The following ZBTB40 variants were observed in gnomAD, a reference collection of about 807,000 sequenced individuals.
ZBTB40 encodes the protein zinc finger and BTB domain-containing protein 40.
A neutral mutation model predicts 117.5 loss-of-function variants in ZBTB40; 60 were observed. The observed-to-expected ratio is 0.51, with a 90% CI of 0.41 to 0.63. The LOEUF is 0.63. ZBTB40 is among the 30% of genes least tolerant of loss of function. The probability of loss-of-function intolerance (pLI) is 0.00; values close to 1 mark genes in which losing one functional copy is unlikely to be tolerated. For synonymous variants in ZBTB40, 525 were observed against 577.1 expected, an observed-to-expected ratio of 0.91 and a Z score of 1.29; for missense variants, 1,287 against 1,498.5, an observed-to-expected ratio of 0.86 and a Z score of 2.33.
chr1:22,500,342 G>A (rs1212619116), intron 3 of ZBTB40, among the ~76,000 whole-genome samples: 1 of 152,210 alleles, frequency 6.6e-6, no homozygotes, highest in Non-Finnish European at 1.5e-5. Context: ...GGTGTGTCCA[G>A]CAGAATCTGT....
At chr1:22,445,956 G>A (rs573438481) in intron 1 of ZBTB40, among the ~76,000 whole-genome samples, 2 of 152,174 alleles carry the variant, frequency 1.3e-5, no homozygotes, top group South Asian at 2.1e-4. Context: ...GGGTAGGGAT[G>A]TTGGAATTAT....
At chr1:22,518,693 A>G (rs1245660519) in intron 13 of ZBTB40, among the ~76,000 whole-genome samples, 1 of 152,198 alleles carries the variant, frequency 6.6e-6, no homozygotes, top group Non-Finnish European at 1.5e-5. Context: ...GTGGCTAGAC[A>G]TTGGGTGATG....
chr1:22,506,309 T>G, intron 6 of ZBTB40, 68 bp downstream of exon 6: 1 of 1,494,936 alleles, frequency 6.7e-7, no homozygotes, highest in Non-Finnish European at 9.3e-7. Context: ...TGAAACACCC[T>G]TTTGGCTCCA....
chr1:22,530,176 T>C lies in ZBTB40; in HGVS notation c.*3780T>C, dbSNP rs1452043441. ...AAATTGGGCCTAGGCAGTTGGACGA[T>C]AATGGAGAAAAAGCAGGGATGCTAT... On this transcript the variant is annotated 3_prime_UTR_variant, in exon 18 of 18. Transcript: ENST00000375647. The C allele has an allele frequency of 3.3e-5, 5 of 152,174 alleles. No homozygotes were observed. Among genetic ancestry groups the C allele is most frequent in the Admixed American group, 3.3e-4 (5 of 15,260 alleles). 9.4% of individuals were successfully genotyped at this position (152,174 alleles called of 1,614,324 possible). A position where few individuals can be genotyped will look rare whatever the true frequency, so the allele number is the denominator to read the frequency against.
At chr1:22,458,293 C>T (rs1641048917) in intron 1 of ZBTB40, among the ~76,000 whole-genome samples, 1 of 152,194 alleles carries the variant, frequency 6.6e-6, no homozygotes, top group Non-Finnish European at 1.5e-5. Flanking sequence ...GGCTTGCCTG[C>T]CCTTAGGATG....
intron 1 of ZBTB40, among the ~76,000 whole-genome samples, chr1:22,431,384 G>GTGTGTATATA (rs1222294324): frequency 1.1e-4 from 13 of 119,688 alleles, no homozygotes; most frequent in African/African-American, 2.2e-4. Context: ...GTGTGTGTGT[G>GTGTGTATATA]TATATATATA....
At chr1:22,509,740 C>T (rs1639181208) in intron 9 of ZBTB40, among the ~76,000 whole-genome samples, 2 of 152,186 alleles carry the variant, frequency 1.3e-5, no homozygotes, top group South Asian at 4.1e-4. Context: ...GTGATGTTAT[C>T]ACATTTTATA....
In ZBTB40 at chr1:22,462,996, C is replaced by T. The variant is rs117718537; in HGVS notation, c.-70+10992C>T. Reference sequence around the variant, plus strand: ...CTTTTCCAAAGGTAGTAACACCTAACATTTAGTGACTGTTAACAGTGTTAC... The same window carrying T: ...CTTTTCCAAAGGTAGTAACACCTAATATTTAGTGACTGTTAACAGTGTTAC... On this transcript the variant is annotated intron_variant, in intron 1 of 17. Coordinates refer to ENST00000375647, the MANE Select transcript of ZBTB40 (RefSeq NM_014870.4). 1.0e-3 allele frequency among the ~76,000 whole-genome samples: 140 copies of T among 136,430 alleles called. 3 individuals carry two copies. The East Asian group carries it at 0.031, about 30-fold the overall frequency. 89.5% of individuals were successfully genotyped at this position (136,430 alleles called of 152,430 possible).
chr1:22,430,256 T>C lies in ZBTB40; in HGVS notation c.-70+1242T>C, dbSNP rs182021460. ...TCTGTAGTTATAAGTAAAACTGGCC[T>C]ATAATAATCTTGTCTCATACTGTCC... On this transcript the variant is annotated intron_variant, in intron 1 of 8. Coordinates refer to the ZBTB40 transcript ENST00000650433. Among the ~76,000 whole-genome samples, 460 of 152,320 alleles carry C rather than the reference T, an allele frequency of 3.0e-3. 1 individual carries two copies. Among genetic ancestry groups the C allele is most frequent in the Non-Finnish European group, 4.6e-3 (314 of 68,030 alleles).
chr1:22,512,555 G>A (rs1347234599), intron 11 of ZBTB40, among the ~76,000 whole-genome samples: 1 of 152,200 alleles, frequency 6.6e-6, no homozygotes, highest in Admixed American at 6.5e-5. Context: ...GGGATGTACA[G>A]TCAGAATGGT....
At chr1:22,450,186 C>A (rs1640842303), upstream of ZBTB40, among the ~76,000 whole-genome samples, 1 of 152,188 alleles carries the variant, frequency 6.6e-6, no homozygotes. Flanking sequence ...CTCAGGTGAT[C>A]CGCCTGCCTC....
intron 6 of ZBTB40, among the ~76,000 whole-genome samples, chr1:22,506,547 A>G (rs1639080763): frequency 6.6e-6 from 1 of 152,194 alleles, no homozygotes; most frequent in Non-Finnish European, 1.5e-5. Context: ...TGTGCTCATA[A>G]GGCTTAGCAC....
In ZBTB40 at chr1:22,513,823, T is replaced by C. The variant is rs1201107420; in HGVS notation, c.2668+693T>C. ...TACTGGGAGAGCTTCTGAAAGAGAC[T>C]GGCTAACCTCCTATGACTTTATATT... On this transcript the variant is annotated intron_variant, in intron 12 of 17. Coordinates refer to ENST00000375647, the MANE Select transcript of ZBTB40 (RefSeq NM_014870.4). The surrounding 1 kb of genome is among the most constrained non-coding windows in gnomAD (Gnocchi z 4.9). 6.6e-6 allele frequency among the ~76,000 whole-genome samples: 1 copy of C among 152,246 alleles called. No individual in the cohort carries two copies. The highest frequency in any genetic ancestry group is 1.9e-4 in the East Asian group (1 of 5,206).
rs371243991 is a variant in ZBTB40 at position 22,468,006 on chromosome 1, T to C, written c.-70+16002T>C. Reference sequence around the variant, plus strand: ...TGAGAGGCTGATGCGGGAGGATTGCTTCAGCCCAGGTGGTCAAGGCTGCAG... The same window carrying C: ...TGAGAGGCTGATGCGGGAGGATTGCCTCAGCCCAGGTGGTCAAGGCTGCAG... On this transcript the variant is annotated intron_variant, in intron 1 of 17. Transcript: ENST00000375647. 2.0e-5 allele frequency among the ~76,000 whole-genome samples: 3 copies of C among 151,538 alleles called. No individual in the cohort carries two copies. In the East Asian group the frequency reaches 5.8e-4, roughly 29 times the overall value.
intron 3 of ZBTB40, among the ~76,000 whole-genome samples, chr1:22,495,199 C>T (rs1638741039): frequency 6.6e-6 from 1 of 152,142 alleles, no homozygotes; most frequent in Non-Finnish European, 1.5e-5. Context: ...TATTTTATTT[C>T]CTGAGATCAG....
At position 22,441,473 on chromosome 1, in the gene ZBTB40, C is replaced by CTTTTTTTT. The variant is rs71020419; in HGVS notation, c.-70+12474_-70+12481dup. Among the ~76,000 whole-genome samples the CTTTTTTTT allele has an allele frequency of 5.4e-4, 40 of 73,722 alleles. 1 individual carries two copies. Among genetic ancestry groups the CTTTTTTTT allele is most frequent in the Non-Finnish European group, 7.4e-4 (30 of 40,462 alleles). 48.4% of individuals were successfully genotyped at this position (73,722 alleles called of 152,430 possible). A position where few individuals can be genotyped will look rare whatever the true frequency, so the allele number is the denominator to read the frequency against. Reference sequence around the variant, plus strand: ...TGCTTCAGTCTTTATTATTTGCTTTCTTTTTTTTTTTTTTTTTTTTTTGAG... The same window carrying CTTTTTTTT: ...TGCTTCAGTCTTTATTATTTGCTTTCTTTTTTTTTTTTTTTTTTTTTTTTTTTTTTGAG... On this transcript the variant is annotated intron_variant, in intron 1 of 8. Coordinates refer to the ZBTB40 transcript ENST00000650433.
At chr1:22,439,112 C>T (rs987249978) in intron 1 of ZBTB40, among the ~76,000 whole-genome samples, 10 of 152,160 alleles carry the variant, frequency 6.6e-5, no homozygotes, top group South Asian at 2.1e-4. Context: ...GTTATCCACC[C>T]GCCTTGGCCC....
At chr1:22,479,616 T>G (rs1480427484) in intron 1 of ZBTB40, among the ~76,000 whole-genome samples, 1 of 152,194 alleles carries the variant, frequency 6.6e-6, no homozygotes. Context: ...TTTTGAAGCT[T>G]TTATTCTTAA....
chr1:22,466,111 G>T (rs1366669820), intron 1 of ZBTB40, among the ~76,000 whole-genome samples: 1 of 152,152 alleles, frequency 6.6e-6, no homozygotes, highest in Non-Finnish European at 1.5e-5. Flanking sequence ...CATTTCATAT[G>T]AATGGAATCA....
Sources: gnomAD v4.1 joint callset for allele counts (sites outside exome capture counted in the v4.1 genomes callset) on GRCh38, gnomAD v4.1.1 for gene constraint, Gnocchi (gnomAD v3.1) non-coding constraint, MANE v1.5 for transcripts, NCBI Gene and HGNC (gene_info 2026-07-23, HGNC 2026-07-21) for gene names.